The following CACNA1A variants were observed in gnomAD, a reference collection of about 807,000 sequenced individuals.
CACNA1A encodes the protein voltage-dependent P/Q-type calcium channel subunit alpha-1A.
In CACNA1A, 57 loss-of-function variants were observed where a neutral mutation model predicts 262.4. That is an observed-to-expected ratio of 0.22 (90% confidence interval 0.18 to 0.27). The LOEUF is 0.27. Ranked by LOEUF, CACNA1A falls within the 10% of genes least tolerant of loss-of-function variation. CACNA1A has a pLI of 1.00. For missense variants in CACNA1A, 2,526 were observed against 3,562.8 expected (o/e 0.71, Z 7.41); for synonymous variants, 1,431 against 1,419.3 (o/e 1.01, Z -0.18).
At chr19:13,477,836 C>T (rs558945008) in intron 1 of CACNA1A, among the ~76,000 whole-genome samples, 38 of 152,180 alleles carry the variant, frequency 2.5e-4, no homozygotes, top group Non-Finnish European at 5.3e-4. Context: ...TTCCATTATG[C>T]AACTGTGGTG....
chr19:13,427,953 T>TG (rs1038029824), intron 3 of CACNA1A, among the ~76,000 whole-genome samples: 6 of 152,040 alleles, frequency 3.9e-5, no homozygotes, highest in African/African-American at 1.5e-4. Context: ...TTGTTTTTTT[T>TG]TGTGTGTGTG....
chr19:13,236,417 A>G lies in CACNA1A; in HGVS notation c.4951-687T>C, dbSNP rs181700131. ...CCAAGAGGAGCAGCGGCTCGAGCCA[A>G]TTGGGAGAAGCGGAAGAGCATCTTT... On this transcript the variant is annotated intron_variant, in intron 31 of 46. Transcript: ENST00000360228. The surrounding 1 kb of genome is among the most constrained non-coding windows in gnomAD (Gnocchi z 4.6). 2.0e-5 allele frequency: 3 copies of G among 153,366 alleles called. No individual in the cohort carries two copies. The highest frequency in any genetic ancestry group is 2.1e-4 in the South Asian group (1 of 4,844). The allele number at this position is 153,366 out of a possible 1,614,324, so 9.5% of individuals were successfully genotyped here.
chr19:13,436,676 T>C (rs1054295784), intron 3 of CACNA1A, among the ~76,000 whole-genome samples: 6 of 152,232 alleles, frequency 3.9e-5, no homozygotes, highest in African/African-American at 1.4e-4. Context: ...GTTCTGTCTT[T>C]ACCCCCCAGA....
chr19:13,411,431 T>C (rs1243818172), intron 3 of CACNA1A, among the ~76,000 whole-genome samples: 2 of 152,182 alleles, frequency 1.3e-5, no homozygotes, highest in African/African-American at 2.4e-5. Context: ...ATAAGTCTCA[T>C]GAGATCTGAT....
Position 13,241,476 on chromosome 19 carries a change from C to T in CACNA1A, c.4950+3706G>A, listed in dbSNP as rs1368522595. The T allele has an allele frequency of 8.3e-6, 11 of 1,333,166 alleles. No individual in the cohort carries two copies. The highest frequency in any genetic ancestry group is 1.1e-5 in the Non-Finnish European group (11 of 986,928). The allele number at this position is 1,333,166 out of a possible 1,614,324, so 82.6% of individuals were successfully genotyped here. On this transcript the variant is annotated intron_variant, in intron 31 of 46. Coordinates refer to ENST00000360228, the MANE Select transcript of CACNA1A (RefSeq NM_001127222.2). The surrounding 1 kb of genome is among the most constrained non-coding windows in gnomAD (Gnocchi z 4.0). Reference sequence around the variant, plus strand: ...ATGCCGACGCGAGGAGATGCGTTCACAGTTAATGTAAGGCATTTAGACTTC... The same window carrying T: ...ATGCCGACGCGAGGAGATGCGTTCATAGTTAATGTAAGGCATTTAGACTTC...
intron 4 of CACNA1A, chr19:13,370,884 T>A (rs1355225693): frequency 6.6e-6 from 1 of 152,130 alleles, no homozygotes; most frequent in Admixed American, 6.6e-5. Context: ...CATGCCTGGC[T>A]AAATTATTAT....
At chr19:13,339,430 A>G (rs1486239235) in intron 6 of CACNA1A, among the ~76,000 whole-genome samples, 7 of 152,080 alleles carry the variant, frequency 4.6e-5, no homozygotes, top group Non-Finnish European at 8.8e-5. Flanking sequence ...GAAGATGGAA[A>G]AGTTTGGGAG....
chr19:13,505,629 G>T (rs1982930995), intron 1 of CACNA1A, among the ~76,000 whole-genome samples: 2 of 151,866 alleles, frequency 1.3e-5, no homozygotes, highest in Non-Finnish European at 2.9e-5. Context: ...CCCCACCAAG[G>T]CTCCTGCACG....
At chr19:13,352,463 G>C (rs2058930658) in intron 6 of CACNA1A, among the ~76,000 whole-genome samples, 1 of 150,922 alleles carries the variant, frequency 6.6e-6, no homozygotes, top group Admixed American at 6.6e-5. Context: ...ATACAAAGAA[G>C]TATTGAGAAT....
Position 13,449,780 on chromosome 19 carries a change from GC to G in CACNA1A, c.539+3095del, listed in dbSNP as rs1036201923. Among the ~76,000 whole-genome samples the G allele has an allele frequency of 1.0e-3, 152 of 152,336 alleles. 2 individuals are homozygous for G. The highest frequency in any genetic ancestry group is 6.8e-4 in the Non-Finnish European group (46 of 68,034). ...TAATAAACATAAAATTCAGGAAAGTGCCCCTGGATGGGGGAGAGAAAGGAAT... is the reference window on the plus strand; with the variant it reads ...TAATAAACATAAAATTCAGGAAAGTGCCCTGGATGGGGGAGAGAAAGGAAT... On this transcript the variant is annotated intron_variant, in intron 3 of 46. Coordinates refer to ENST00000360228, the MANE Select transcript of CACNA1A (RefSeq NM_001127222.2).
rs369555957 is a variant in CACNA1A, at chr19:13,212,472, C to T, written c.6101G>A (p.Arg2034His). ...CGTCTTCTGGAACATCTCCTGGGCA[C>T]GCTGGGTCACCCAGGACGGGCTCTC... ...LKESPSWVTQ[R>H]AQEMFQKTGT... The change falls in exon 42 of 47, where the codon CGT (arginine) becomes CAT (histidine). Residue 2034 changes from arginine (R) to histidine (H), a missense_variant. Physicochemically the swap from Arg to His is conservative, Grantham distance 29. Transcript: ENST00000360228. This position sits in a 1 kb window ranked among gnomAD's most constrained non-coding sequence, Gnocchi z 5.6. 31 of 1,600,550 alleles carry T rather than the reference C, an allele frequency of 1.9e-5. No homozygotes were observed. Among genetic ancestry groups the T allele is most frequent in the South Asian group, 6.7e-5 (6 of 89,064 alleles).
At chr19:13,470,385 G>C (rs912466201) in intron 1 of CACNA1A, among the ~76,000 whole-genome samples, 3 of 152,114 alleles carry the variant, frequency 2.0e-5, no homozygotes, top group African/African-American at 7.2e-5. Context: ...CCATTTTTCT[G>C]TGCCCAGATT....
At chr19:13,312,180 TA>T (rs1278404273) in intron 12 of CACNA1A, among the ~76,000 whole-genome samples, 1 of 152,202 alleles carries the variant, frequency 6.6e-6, no homozygotes, top group African/African-American at 2.4e-5. Context: ...TAATCACATT[TA>T]AAAAATAAAT....
chr19:13,306,416 G>A (rs773509770), intron 15 of CACNA1A: 1 of 152,090 alleles, frequency 6.6e-6, no homozygotes, highest in Non-Finnish European at 1.5e-5. Context: ...TTGCTCTGTG[G>A]TGCAGGCTGG....
rs16013 is a variant in CACNA1A, at chr19:13,308,398, G to T, written c.1781+18C>A. On this transcript the variant is annotated intron_variant, in intron 13 of 46. Transcript: ENST00000360228. The surrounding 1 kb of genome is among the most constrained non-coding windows in gnomAD (Gnocchi z 4.2). ...TCCCCACCCCCTGTACAAATGTCCA[G>T]GAACCCCAAAGACTTACTTTGTGAC... is the stretch of plus-strand genomic sequence containing the variant. The T allele has an allele frequency of 4.1e-3, 6,402 of 1,576,432 alleles. 211 individuals are homozygous for T. In the African/African-American group the frequency reaches 0.075, roughly 19 times the overall value.
At chr19:13,378,968 CT>C (rs35618538) in intron 3 of CACNA1A, among the ~76,000 whole-genome samples, 7,987 of 129,386 alleles carry the variant, frequency 0.062, 488 homozygotes, top group African/African-American at 0.17. Context: ...TGTGCCCAGC[CT>C]TTTTTTTTTT....
chr19:13,406,494 T>A (rs2060010211), intron 3 of CACNA1A, among the ~76,000 whole-genome samples: 1 of 108,246 alleles, frequency 9.2e-6, no homozygotes, highest in African/African-American at 3.9e-5. Flanking sequence ...TATATATATA[T>A]ATATATATAT....
chr19:13,209,795 G>T (rs1054091628), intron 44 of CACNA1A, among the ~76,000 whole-genome samples: 3 of 152,200 alleles, frequency 2.0e-5, no homozygotes, highest in Non-Finnish European at 4.4e-5. Flanking sequence ...TCACTCTCCA[G>T]TCCTGGGGGC....
rs1337457400 is a variant in CACNA1A at position 13,212,717 on chromosome 19, C to G, written c.5964G>C (p.Gln1988His). 2.7e-6 allele frequency: 4 copies of G among 1,505,710 alleles called. No homozygotes were observed. The highest frequency in any genetic ancestry group is 1.4e-5 in the African/African-American group (1 of 71,358). The allele number at this position is 1,505,710 out of a possible 1,614,324, so 93.3% of individuals were successfully genotyped here. A position where few individuals can be genotyped will look rare whatever the true frequency, so the allele number is the denominator to read the frequency against. The change falls in exon 41 of 47, where the codon CAG becomes CAC. Residue 1988 changes from glutamine to histidine, a missense_variant. Gln to His is a conservative substitution (Grantham distance 24). Transcript: ENST00000360228. The surrounding 1 kb of genome is among the most constrained non-coding windows in gnomAD (Gnocchi z 5.6). Reference sequence around the variant, plus strand: ...GCGTTGGGGACGGGGGCTCCATGCGCTGGAACATGAGGGGTGTCCGGTCCT... The same window carrying G: ...GCGTTGGGGACGGGGGCTCCATGCGGTGGAACATGAGGGGTGTCCGGTCCT... ...EEQDRTPLMF[Q>H]RMEPPSPTQE...
Sources: gnomAD v4.1 joint callset for allele counts (sites outside exome capture counted in the v4.1 genomes callset) on GRCh38, gnomAD v4.1.1 for gene constraint, Gnocchi (gnomAD v3.1) non-coding constraint, MANE v1.5 for transcripts, NCBI Gene and HGNC (gene_info 2026-07-23, HGNC 2026-07-21) for gene names.